Variants in PPP1R9B observed in about 807,000 individuals in gnomAD.
PPP1R9B encodes neurabin-2.
Under a neutral mutation model 75.8 loss-of-function variants are expected in PPP1R9B, and 17 were observed. That is an observed-to-expected ratio of 0.22 (90% CI 0.15 to 0.34). The LOEUF (loss-of-function observed/expected upper bound fraction) is 0.34, where lower values mean the gene tolerates loss of function less well. Among genes scored for constraint, PPP1R9B ranks in the 10% least tolerant of loss-of-function variants. PPP1R9B has a pLI of 1.00. For synonymous variants in PPP1R9B, 509 were observed against 535.4 expected (o/e 0.95, Z 0.68); for missense variants, 875 against 1,196.0 (o/e 0.73, Z 3.96).
Position 50,149,748 on chromosome 17 carries a change from GC to G in PPP1R9B, c.765del (p.Pro256ArgfsTer63). 1 of 1,407,698 alleles carries G rather than the reference GC, an allele frequency of 7.1e-7. No homozygotes were observed. Among genetic ancestry groups the G allele is most frequent in the Non-Finnish European group, 9.2e-7 (1 of 1,090,660 alleles). 87.2% of individuals were successfully genotyped at this position (1,407,698 alleles called of 1,614,324 possible). On this transcript the variant is annotated frameshift_variant, in exon 1 of 10. Coordinates refer to ENST00000612501, the MANE Select transcript of PPP1R9B (RefSeq NM_032595.5). LOFTEE classifies it high-confidence loss of function. This position sits in a 1 kb window ranked among gnomAD's most constrained non-coding sequence, Gnocchi z 7.2. ...TCCCCCGACGGGGCGGGCGGCGGCG[GC>G]GGCGGGGGCTGGAACACCCGGGACC... Reference protein sequence around the residue: ...SKRSRVFQPPPPPPPAPSGDA... With the variant: ...SKRSRVFQPPXPPPPAPSGDA...
intron 3 of PPP1R9B, among the ~76,000 whole-genome samples, chr17:50,143,339 A>G (rs1912434837): frequency 6.6e-6 from 1 of 152,218 alleles, no homozygotes; most frequent in Non-Finnish European, 1.5e-5. Flanking sequence ...ACACACGCCT[A>G]TAGCCCCCAT....
intron 7 of PPP1R9B, among the ~76,000 whole-genome samples, chr17:50,136,928 C>T (rs1912248109): frequency 6.6e-6 from 1 of 152,180 alleles, no homozygotes; most frequent in Non-Finnish European, 1.5e-5. Flanking sequence ...ACCTATGCCT[C>T]CTTTCCTGAC....
chr17:50,148,042 G>A (rs1017685670), intron 1 of PPP1R9B, among the ~76,000 whole-genome samples: 1 of 152,132 alleles, frequency 6.6e-6, no homozygotes, highest in Admixed American at 6.5e-5. Context: ...GGGGCCGGGT[G>A]CAGCTGAGCC....
chr17:50,140,577 G>C (rs543549956), intron 4 of PPP1R9B, among the ~76,000 whole-genome samples: 2 of 152,310 alleles, frequency 1.3e-5, no homozygotes, highest in East Asian at 3.9e-4. Context: ...CCTCCCAGCA[G>C]GGATGGGCTG....
intron 8 of PPP1R9B, 49 bp downstream of exon 8, chr17:50,135,919 G>T: frequency 1.4e-6 from 2 of 1,390,688 alleles, no homozygotes; most frequent in Non-Finnish European, 9.8e-7. Flanking sequence ...GTCCCCAAAA[G>T]CCTCTCAATG....
intron 4 of PPP1R9B, 188 bp from the exon 5 acceptor site, chr17:50,140,416 G>T: frequency 2.6e-6 from 2 of 777,214 alleles, no homozygotes; most frequent in Non-Finnish European, 4.0e-6. Flanking sequence ...TCCTTCCCAA[G>T]GGAGGCAGGA....
intron 8 of PPP1R9B, 41 bp from the exon 9 acceptor site, chr17:50,135,690 G>A (rs1257165769): frequency 4.6e-6 from 7 of 1,535,516 alleles, no homozygotes; most frequent in Non-Finnish European, 6.2e-6. Context: ...AAGGGTGTGT[G>A]GTCTGGCTTT....
intron 1 of PPP1R9B, among the ~76,000 whole-genome samples, chr17:50,146,988 A>C (rs1272155331): frequency 2.0e-5 from 3 of 152,120 alleles, no homozygotes; most frequent in Non-Finnish European, 4.4e-5. Context: ...CGGTCCCTTC[A>C]TCATTGAGTC....
In PPP1R9B at chr17:50,139,876, A is replaced by G. The variant is rs894085366; in HGVS notation, c.1866+217T>C. Among the ~76,000 whole-genome samples, 2 of 152,108 alleles carry G rather than the reference A, an allele frequency of 1.3e-5. No homozygotes were observed. Among genetic ancestry groups the G allele is most frequent in the Non-Finnish European group, 1.5e-5 (1 of 68,008 alleles). On this transcript the variant is annotated intron_variant, in intron 5 of 9. Coordinates refer to ENST00000612501, the MANE Select transcript of PPP1R9B (RefSeq NM_032595.5). This position sits in a 1 kb window ranked among gnomAD's most constrained non-coding sequence, Gnocchi z 5.0. ...TCTCCCTTTCAGATTAGGTCCCCCA[A>G]GATTAGGGGCTATGCTCTCCCCGCA...
At chr17:50,135,451 C>T in intron 9 of PPP1R9B, 67 bp from the exon 10 acceptor site, 7 of 1,583,584 alleles carry the variant, frequency 4.4e-6, no homozygotes, top group Non-Finnish European at 6.1e-6. Flanking sequence ...CCTTCCGCCC[C>T]CCGGTGAGGA....
chr17:50,138,158 G>C (rs1272774565), intron 7 of PPP1R9B, among the ~76,000 whole-genome samples: 1 of 39,248 alleles, frequency 2.5e-5, no homozygotes, highest in African/African-American at 2.1e-4. Flanking sequence ...TACTACGTGT[G>C]TGTGTGTGTG....
rs1321355455 is a variant in PPP1R9B at position 50,140,000 on chromosome 17, T to C, written c.1866+93A>G. 24 of 1,402,018 alleles carry C rather than the reference T, an allele frequency of 1.7e-5. No homozygotes were observed. Among genetic ancestry groups the C allele is most frequent in the Non-Finnish European group, 2.3e-5 (24 of 1,034,534 alleles). The allele number at this position is 1,402,018 out of a possible 1,614,324, so 86.8% of individuals were successfully genotyped here. ...GGGAATGGCACTGTGGGCTTTTTAC[T>C]AGGGCAGGGGAAGCAGTAGAGGCAG... On this transcript the variant is annotated intron_variant, in intron 5 of 9. Coordinates refer to ENST00000612501, the MANE Select transcript of PPP1R9B (RefSeq NM_032595.5). This position sits in a 1 kb window ranked among gnomAD's most constrained non-coding sequence, Gnocchi z 5.0.
At position 50,150,316 on chromosome 17, in the gene PPP1R9B, C is replaced by G. The variant is rs367543206; in HGVS notation, c.198G>C (p.Thr66=). The G allele has an allele frequency of 4.1e-6, 6 of 1,447,430 alleles. No individual in the cohort carries two copies. Among genetic ancestry groups the G allele is most frequent in the Non-Finnish European group, 4.6e-6 (5 of 1,097,252 alleles). 89.7% of individuals were successfully genotyped at this position (1,447,430 alleles called of 1,614,324 possible). ...CCGCCTCGCCCGAGGGCCCCGCCGT[C>G]GTGCCCATCTGCAGGAACATACTTT... ...RIKSMFLQMG[T]TAGPSGEAGG... Residue 66 remains threonine (T), a synonymous_variant, in exon 1 of 10, where the codon ACG becomes ACC. Transcript: ENST00000612501. The surrounding 1 kb of genome is among the most constrained non-coding windows in gnomAD (Gnocchi z 8.7).
At position 50,136,056 on chromosome 17, in the gene PPP1R9B, C is replaced by T. The variant is rs1479667324; in HGVS notation, c.2215G>A (p.Glu739Lys). 1.9e-6 allele frequency: 3 copies of T among 1,612,350 alleles called. No individual in the cohort carries two copies. Among genetic ancestry groups the T allele is most frequent in the Non-Finnish European group, 2.5e-6 (3 of 1,179,526 alleles). ...EAQSLCQAVD[E>K]HLRETQAQYQ... Reference sequence around the variant, plus strand: ...TGCGCCTGAGTCTCCCGCAGGTGCTCGTCCACAGCCTGGCACAGGCTCTGG... The same window carrying T: ...TGCGCCTGAGTCTCCCGCAGGTGCTTGTCCACAGCCTGGCACAGGCTCTGG... The change falls in exon 8 of 10, where the codon GAG becomes AAG. Residue 739 changes from glutamate to lysine, a missense_variant. Transcript: ENST00000612501.
rs1445552580 is a variant in PPP1R9B at position 50,139,097 on chromosome 17, G to A, written c.2073+166C>T. On this transcript the variant is annotated intron_variant, in intron 7 of 9. Coordinates refer to ENST00000612501, the MANE Select transcript of PPP1R9B (RefSeq NM_032595.5). The surrounding 1 kb of genome is among the most constrained non-coding windows in gnomAD (Gnocchi z 5.0). ...TGATGCTGGAGCAGATGGATCCAGA[G>A]CTTAAGCTCTTAATATCGTATCTAT... is the stretch of plus-strand genomic sequence containing the variant. Among the ~76,000 whole-genome samples, 1 of 152,250 alleles carries A rather than the reference G, an allele frequency of 6.6e-6. No individual in the cohort carries two copies. Among genetic ancestry groups the A allele is most frequent in the Non-Finnish European group, 1.5e-5 (1 of 68,048 alleles).
At chr17:50,144,503 T>A (rs1342097636) in intron 2 of PPP1R9B, among the ~76,000 whole-genome samples, 2 of 152,136 alleles carry the variant, frequency 1.3e-5, no homozygotes. Context: ...TCCCAATCCA[T>A]CTTAGCAACA....
chr17:50,145,375 AC>A, intron 1 of PPP1R9B, 130 bp from the exon 2 acceptor site: 1 of 1,180,962 alleles, frequency 8.5e-7, no homozygotes, highest in Non-Finnish European at 1.2e-6. Flanking sequence ...ATGAGGCCTC[AC>A]CCAGTCCCCT....
chr17:50,150,130 G>C lies in PPP1R9B; in HGVS notation c.384C>G (p.Pro128=), dbSNP rs1912656006. 1 of 1,416,568 alleles carries C rather than the reference G, an allele frequency of 7.1e-7. No homozygotes were observed. Among genetic ancestry groups the C allele is most frequent in the Non-Finnish European group, 9.2e-7 (1 of 1,091,486 alleles). 87.7% of individuals were successfully genotyped at this position (1,416,568 alleles called of 1,614,324 possible). A position where few individuals can be genotyped will look rare whatever the true frequency, so the allele number is the denominator to read the frequency against. The stretch of plus-strand genomic sequence containing the variant: ...GCGGCGCAGGCTGCGCGGAGGGCGC[G>C]GGCTTGGAGTCGAAGCGGCTCACGC... ...SERVSRFDSK[P]APSAQPAPPP... is the part of the protein sequence containing the mutation. The change falls in exon 1 of 10, where the codon CCC becomes CCG. Residue 128 remains proline, a synonymous_variant. Transcript: ENST00000612501. The surrounding 1 kb of genome is among the most constrained non-coding windows in gnomAD (Gnocchi z 8.7).
chr17:50,136,866 C>T (rs1375141978), intron 7 of PPP1R9B, among the ~76,000 whole-genome samples: 1 of 152,220 alleles, frequency 6.6e-6, no homozygotes, highest in African/African-American at 2.4e-5. Context: ...AGCTTTAGCT[C>T]CCAGCTCCTC....
Sources: gnomAD v4.1 joint callset for allele counts (sites outside exome capture counted in the v4.1 genomes callset) on GRCh38, gnomAD v4.1.1 for gene constraint, Gnocchi (gnomAD v3.1) non-coding constraint, MANE v1.5 for transcripts, NCBI Gene and HGNC (gene_info 2026-07-23, HGNC 2026-07-21) for gene names.